Variants in SPATA13 observed in about 807,000 individuals in gnomAD.
SPATA13 encodes spermatogenesis-associated protein 13.
A neutral mutation model predicts 104.0 loss-of-function variants in SPATA13; 50 were observed. That is an observed-to-expected ratio of 0.48 (90% confidence interval 0.38 to 0.61). SPATA13 has a LOEUF of 0.61. Among genes scored for constraint, SPATA13 ranks in the 20% least tolerant of loss-of-function variants. SPATA13 has a pLI of 0.00. For missense variants in SPATA13, 1,524 were observed against 1,690.6 expected (o/e 0.90, Z 1.73); for synonymous variants, 606 against 667.5 (o/e 0.91, Z 1.42).
chr13:24,231,133 G>C (rs772745875), intron 2 of SPATA13, among the ~76,000 whole-genome samples: 28 of 152,082 alleles, frequency 1.8e-4, no homozygotes, highest in Admixed American at 3.3e-4. Context: ...GATGGGCTTT[G>C]TGTCTACACC....
rs1197306608 is a variant in SPATA13, at chr13:24,304,277, A to G, written c.*1504A>G. On this transcript the variant is annotated 3_prime_UTR_variant, in exon 13 of 13. Coordinates refer to ENST00000382108, the MANE Select transcript of SPATA13 (RefSeq NM_001166271.3). The stretch of plus-strand genomic sequence containing the variant: ...CCTAGGCTGACACCTGCAGATAATC[A>G]TCTCCTTTTCTTTGTCTATGTTGTA... 6.6e-6 allele frequency: 1 copy of G among 152,220 alleles called. No homozygotes were observed. The highest frequency in any genetic ancestry group is 1.9e-4 in the East Asian group (1 of 5,198). 9.4% of individuals were successfully genotyped at this position (152,220 alleles called of 1,614,324 possible).
At chr13:24,089,823 G>A (rs1879856398) in intron 3 of SPATA13, among the ~76,000 whole-genome samples, 1 of 152,194 alleles carries the variant, frequency 6.6e-6, no homozygotes, top group African/African-American at 2.4e-5. Flanking sequence ...GAGATTGGAA[G>A]TCCAAGATCA....
chr13:24,088,372 C>T lies in SPATA13; in HGVS notation c.-112+70671C>T, dbSNP rs1879802263. ...ACATAAACCCAGCTGACTTCAAGTTCTGAACCCTGCACTCCATGCTCCAGT... is the reference window on the plus strand; with the variant it reads ...ACATAAACCCAGCTGACTTCAAGTTTTGAACCCTGCACTCCATGCTCCAGT... On this transcript the variant is annotated intron_variant, in intron 3 of 14. Coordinates refer to the SPATA13 transcript ENST00000424834. This position sits in a 1 kb window ranked among gnomAD's most constrained non-coding sequence, Gnocchi z 4.3. 1.3e-5 allele frequency among the ~76,000 whole-genome samples: 2 copies of T among 152,188 alleles called. No homozygotes were observed. Among genetic ancestry groups the T allele is most frequent in the Non-Finnish European group, 2.9e-5 (2 of 68,030 alleles).
At chr13:24,092,107 G>A (rs1879929060) in intron 3 of SPATA13, among the ~76,000 whole-genome samples, 1 of 152,128 alleles carries the variant, frequency 6.6e-6, no homozygotes, top group South Asian at 2.1e-4. Flanking sequence ...AACTTGTTTT[G>A]GCCATTTTTG....
chr13:24,297,393 T>G lies in SPATA13; in HGVS notation c.3241T>G (p.Leu1081Val). The G allele has an allele frequency of 6.2e-7, 1 of 1,613,106 alleles. No homozygotes were observed. The highest frequency in any genetic ancestry group is 8.5e-7 in the Non-Finnish European group (1 of 1,179,394). ...GGATATCTTAGACCGAAGCTCAGAA[T>G]TGATTCATTCTGGGGAGCTGACCAA... ...GLDILDRSSE[L>V]IHSGELTKIT... Residue 1081 changes from leucine to valine, a missense_variant, in exon 11 of 13, where the codon TTG becomes GTG. This residue lies in a region of SPATA13 where 435 missense variants were observed against 554.8 expected (regional missense o/e 0.78). Transcript: ENST00000382108.
At chr13:24,240,844 T>C (rs1291284072) in intron 2 of SPATA13, among the ~76,000 whole-genome samples, 2 of 152,210 alleles carry the variant, frequency 1.3e-5, no homozygotes, top group African/African-American at 2.4e-5. Flanking sequence ...TCAAGGACAA[T>C]TGTATCTAAT....
rs1197601962 is a variant in SPATA13 at position 24,000,270 on chromosome 13, TG to T, written c.-147+16341del. On this transcript the variant is annotated intron_variant, in intron 2 of 14. Transcript: ENST00000424834. ...GCCTTCACTGAGGAAGTGTAGGTCT[TG>T]GGGCAGCTGAGGCATGAGTAAGAGT... is the stretch of plus-strand genomic sequence containing the variant. Among the ~76,000 whole-genome samples the T allele has an allele frequency of 3.7e-5, 5 of 136,430 alleles. No homozygotes were observed. In the East Asian group the frequency reaches 8.8e-4, roughly 24 times the overall value. The allele number at this position is 136,430 out of a possible 152,430, so 89.5% of individuals were successfully genotyped here. A position where few individuals can be genotyped will look rare whatever the true frequency, so the allele number is the denominator to read the frequency against.
Position 24,236,494 on chromosome 13 carries a change from G to T in SPATA13, c.1653+11912G>T, listed in dbSNP as rs9578696. ...CCTGTAGTCCCAGCTACTCGGGGAG[G>T]CTGAGGCAGGAGAATCACTTGAACC... On this transcript the variant is annotated intron_variant, in intron 2 of 12. Transcript: ENST00000382108. Among the ~76,000 whole-genome samples, 3 of 151,862 alleles carry T rather than the reference G, an allele frequency of 2.0e-5. No individual in the cohort carries two copies. In the South Asian group the frequency reaches 6.2e-4, roughly 32 times the overall value.
intron 1 of SPATA13, among the ~76,000 whole-genome samples, chr13:24,210,675 A>C (rs1393791793): frequency 6.6e-6 from 1 of 150,632 alleles, no homozygotes. Context: ...ATAGTTTGAA[A>C]TCAGGTAGTG....
Position 24,286,498 on chromosome 13 carries a change from A to G in SPATA13, c.2481+105A>G, listed in dbSNP as rs1320744112. 2 of 1,223,718 alleles carry G rather than the reference A, an allele frequency of 1.6e-6. No individual in the cohort carries two copies. The highest frequency in any genetic ancestry group is 5.0e-5 in the East Asian group (2 of 39,900). The allele number at this position is 1,223,718 out of a possible 1,614,324, so 75.8% of individuals were successfully genotyped here. ...TCAGGTCAGCTCTTTTGTAATTGAT[A>G]TCTGACATGCAAGTCACACCTGTAA... is the stretch of plus-strand genomic sequence containing the variant. On this transcript the variant is annotated intron_variant, in intron 6 of 12. Transcript: ENST00000382108. The surrounding 1 kb of genome is among the most constrained non-coding windows in gnomAD (Gnocchi z 4.9).
chr13:24,022,460 G>T (rs1877026186), intron 3 of SPATA13, among the ~76,000 whole-genome samples: 1 of 152,128 alleles, frequency 6.6e-6, no homozygotes, highest in Non-Finnish European at 1.5e-5. Context: ...CATACTAGAG[G>T]TAACTTTAAA....
intron 1 of SPATA13, among the ~76,000 whole-genome samples, chr13:23,980,516 C>A (rs1874835142): frequency 6.6e-6 from 1 of 152,332 alleles, no homozygotes; most frequent in Admixed American, 6.5e-5. Context: ...TACCTTAATG[C>A]TCTGCTTTTG....
At chr13:24,144,438 G>C (rs1283094244) in intron 3 of SPATA13, among the ~76,000 whole-genome samples, 1 of 152,148 alleles carries the variant, frequency 6.6e-6, no homozygotes, top group Non-Finnish European at 1.5e-5. Flanking sequence ...TGTGTTCCAG[G>C]AACTAGGCCA....
intron 1 of SPATA13, among the ~76,000 whole-genome samples, chr13:24,213,016 G>C (rs1423418694): frequency 6.6e-6 from 1 of 152,266 alleles, no homozygotes; most frequent in Non-Finnish European, 1.5e-5. Flanking sequence ...CGCAGCAGAG[G>C]AAGTTACAGT....
chr13:24,128,556 C>T (rs1174276540), intron 3 of SPATA13, among the ~76,000 whole-genome samples: 1 of 152,020 alleles, frequency 6.6e-6, no homozygotes, highest in East Asian at 1.9e-4. Context: ...CTGAGAATAG[C>T]CTGTCTTTCG....
At chr13:24,266,260 T>G (rs1004613519) in intron 4 of SPATA13, among the ~76,000 whole-genome samples, 1 of 152,246 alleles carries the variant, frequency 6.6e-6, no homozygotes, top group African/African-American at 2.4e-5. Context: ...ACATCCTATG[T>G]GTTTTCAACA....
chr13:24,077,188 A>G (rs1879358608), intron 3 of SPATA13, among the ~76,000 whole-genome samples: 1 of 149,892 alleles, frequency 6.7e-6, no homozygotes, highest in Non-Finnish European at 1.5e-5. Context: ...CCATTCCATA[A>G]GTTATCTGGA....
chr13:24,208,588 AGACT>A (rs1324630950), intron 1 of SPATA13, among the ~76,000 whole-genome samples: 6 of 152,116 alleles, frequency 3.9e-5, no homozygotes, highest in African/African-American at 1.4e-4. Flanking sequence ...GGGACTTTCC[AGACT>A]GATCTTTAGT....
intron 1 of SPATA13, among the ~76,000 whole-genome samples, chr13:24,222,142 C>T (rs930229162): frequency 1.3e-5 from 2 of 152,182 alleles, no homozygotes; most frequent in South Asian, 2.1e-4. Context: ...CAGCAGCATC[C>T]TCACTTCTCT....
Sources: allele counts gnomAD v4.1 joint callset (sites outside exome capture counted in the v4.1 genomes callset), GRCh38; gene constraint gnomAD v4.1.1; regional missense constraint gnomAD v4.1.1; non-coding constraint Gnocchi (gnomAD v3.1); transcripts MANE v1.5; gene names NCBI Gene and HGNC (gene_info 2026-07-23, HGNC 2026-07-21).